Variants in ADAP1 observed in about 807,000 individuals in gnomAD.
ADAP1 encodes ArfGAP with dual PH domains 1.
Under a neutral mutation model 54.9 loss-of-function variants are expected in ADAP1, and 31 were observed. That is an observed-to-expected ratio of 0.56 (90% confidence interval 0.42 to 0.76). The LOEUF is 0.76. ADAP1 is among the 30% of genes least tolerant of loss of function. The pLI is 0.00. For missense variants in ADAP1, 535 were observed against 512.4 expected (o/e 1.04, Z -0.42); for synonymous variants, 313 against 202.6 (o/e 1.55, Z -4.63).
At chr7:906,869 G>A (rs112524747) in intron 4 of ADAP1, among the ~76,000 whole-genome samples, 7,202 of 131,998 alleles carry the variant, frequency 0.055, 314 homozygotes, top group African/African-American at 0.13. Flanking sequence ...GTGGACCAGC[G>A]CTGTTGGCTG....
At chr7:906,484 GAGAAAGGGAAAGGAGAAAGGGAGAAAGGA>G (rs1845349732) in intron 4 of ADAP1, among the ~76,000 whole-genome samples, 1 of 103,758 alleles carries the variant, frequency 9.6e-6, no homozygotes, top group African/African-American at 3.0e-5. Context: ...AAGGAGAAAG[GAGAAAGGGAAAGGAGAAAGGGAGAAAGGA>G]GAAAGGAGAA....
intron 2 of ADAP1, among the ~76,000 whole-genome samples, chr7:932,391 T>C (rs1221782932): frequency 6.6e-6 from 1 of 152,168 alleles, no homozygotes; most frequent in Admixed American, 6.5e-5. Context: ...GCCCCACCCC[T>C]GGGCCCTTGC....
Position 899,499 on chromosome 7 carries a change from C to T in ADAP1, c.796-9G>A. 6.2e-7 allele frequency: 1 copy of T among 1,612,240 alleles called. No individual in the cohort carries two copies. The highest frequency in any genetic ancestry group is 1.3e-5 in the African/African-American group (1 of 75,030). ...CGGAAGCCTTCCGTTTGCTGTGGGTCAGAGAGGGCCCGTGACCGGCAGGTC... is the reference window on the plus strand; with the variant it reads ...CGGAAGCCTTCCGTTTGCTGTGGGTTAGAGAGGGCCCGTGACCGGCAGGTC... On this transcript the variant is annotated splice_polypyrimidine_tract_variant and intron_variant, in intron 8 of 10. Coordinates refer to ENST00000265846, the MANE Select transcript of ADAP1 (RefSeq NM_006869.4).
Position 926,713 on chromosome 7 carries a change from C to T in ADAP1, c.214-69G>A, listed in dbSNP as rs1846402507. The T allele has an allele frequency of 1.5e-6, 2 of 1,307,900 alleles. No homozygotes were observed. Among genetic ancestry groups the T allele is most frequent in the Non-Finnish European group, 2.1e-6 (2 of 968,668 alleles). 81.0% of individuals were successfully genotyped at this position (1,307,900 alleles called of 1,614,324 possible). On this transcript the variant is annotated intron_variant, in intron 2 of 10. Transcript: ENST00000265846. The surrounding 1 kb of genome is among the most constrained non-coding windows in gnomAD (Gnocchi z 4.6). ...GGCAGCCTAGGAGGTGCCAGCTGCC[C>T]TTGGGGCCGTCACCACAGTGACCCG...
intron 7 of ADAP1, 46 bp from the exon 8 acceptor site, chr7:900,210 G>C (rs1362727652): frequency 1.2e-6 from 2 of 1,609,230 alleles, no homozygotes; most frequent in East Asian, 4.5e-5. Context: ...GTGCAGCTCA[G>C]GCCGAGCCCC....
intron 1 of ADAP1, among the ~76,000 whole-genome samples, chr7:949,316 C>T (rs919401612): frequency 1.3e-5 from 2 of 152,270 alleles, no homozygotes; most frequent in African/African-American, 4.8e-5. Flanking sequence ...CCTTGGACCC[C>T]ACCAAGTCCC....
intron 3 of ADAP1, among the ~76,000 whole-genome samples, chr7:921,743 C>T (rs138285327): frequency 2.1e-3 from 322 of 152,346 alleles, no homozygotes; most frequent in Non-Finnish European, 3.8e-3. Context: ...CCCCTAGCAC[C>T]CAGCGTCCCA....
At chr7:900,758 G>C in intron 6 of ADAP1, 142 bp from the exon 7 acceptor site, 1 of 735,590 alleles carries the variant, frequency 1.4e-6, no homozygotes, top group South Asian at 1.7e-5. Flanking sequence ...GCTCCCAGCA[G>C]TCCTGCCGCA....
chr7:929,448 A>T (rs1371624345), intron 2 of ADAP1, among the ~76,000 whole-genome samples: 3 of 144,402 alleles, frequency 2.1e-5, no homozygotes, highest in Admixed American at 7.2e-5. Flanking sequence ...TGGGAGGCTG[A>T]GGTGGGAGGA....
At chr7:908,671 G>A (rs1413594656) in intron 4 of ADAP1, among the ~76,000 whole-genome samples, 4 of 152,130 alleles carry the variant, frequency 2.6e-5, no homozygotes, top group Non-Finnish European at 2.9e-5. Flanking sequence ...CTCTGCCTCC[G>A]ACATCAGGAC....
chr7:919,471 T>A (rs982962641), intron 4 of ADAP1, among the ~76,000 whole-genome samples: 2 of 151,262 alleles, frequency 1.3e-5, no homozygotes, highest in Non-Finnish European at 2.9e-5. Flanking sequence ...GGGACGCGGG[T>A]TCAAACTCAC....
intron 1 of ADAP1, among the ~76,000 whole-genome samples, chr7:940,024 C>G (rs1846899537): frequency 6.6e-6 from 1 of 152,114 alleles, no homozygotes; most frequent in South Asian, 2.1e-4. Context: ...TTGCAACTGG[C>G]ACAAGGTCCC....
chr7:910,351 G>C (rs1845673892), intron 4 of ADAP1, among the ~76,000 whole-genome samples: 1 of 151,936 alleles, frequency 6.6e-6, no homozygotes, highest in Non-Finnish European at 1.5e-5. Context: ...CCGGGCTCAA[G>C]TGATCCTCCA....
intron 4 of ADAP1, among the ~76,000 whole-genome samples, chr7:916,166 C>T (rs992966538): frequency 6.6e-6 from 1 of 152,228 alleles, no homozygotes; most frequent in Non-Finnish European, 1.5e-5. Context: ...TGAGCCACAC[C>T]TGACCTTTCC....
rs776217094 is a variant in ADAP1, at chr7:899,021, C to T, written c.1096+12G>A. 41 of 1,609,604 alleles carry T rather than the reference C, an allele frequency of 2.5e-5. No individual in the cohort carries two copies. The Middle Eastern group carries it at 4.9e-4, about 19-fold the overall frequency. ...GAGCCCTTCCAGGCCGCCGGCCGCCCGCCCCCCTCACCTGCGTACTCCTGG... is the reference window on the plus strand; with the variant it reads ...GAGCCCTTCCAGGCCGCCGGCCGCCTGCCCCCCTCACCTGCGTACTCCTGG... On this transcript the variant is annotated intron_variant, in intron 10 of 10. Transcript: ENST00000265846.
chr7:898,992 C>CT, intron 10 of ADAP1, 41 bp downstream of exon 10: 3 of 1,609,882 alleles, frequency 1.9e-6, no homozygotes, highest in African/African-American at 1.3e-5. Context: ...CGGCGGGGAG[C>CT]TGGGAGCCCT....
At chr7:942,029 A>C (rs1167174991) in intron 1 of ADAP1, among the ~76,000 whole-genome samples, 2 of 152,228 alleles carry the variant, frequency 1.3e-5, no homozygotes, top group East Asian at 3.8e-4. Flanking sequence ...CAAAGATATA[A>C]AGCCAGTTCT....
At chr7:931,506 TAA>T (rs1255664781) in intron 2 of ADAP1, among the ~76,000 whole-genome samples, 2 of 149,712 alleles carry the variant, frequency 1.3e-5, no homozygotes, top group East Asian at 4.0e-4. Flanking sequence ...ATCCCGTTTT[TAA>T]AAGTCCAGAA....
chr7:939,077 C>T (rs1230533717), intron 1 of ADAP1, among the ~76,000 whole-genome samples: 4 of 152,162 alleles, frequency 2.6e-5, no homozygotes, highest in African/African-American at 7.2e-5. Context: ...CTGGACTCTA[C>T]GGCGTGGACC....
Sources: gnomAD v4.1 joint callset for allele counts (sites outside exome capture counted in the v4.1 genomes callset) on GRCh38, gnomAD v4.1.1 for gene constraint, Gnocchi (gnomAD v3.1) non-coding constraint, MANE v1.5 for transcripts, NCBI Gene and HGNC (gene_info 2026-07-23, HGNC 2026-07-21) for gene names.